The following GRM7 variants were observed in gnomAD, a reference collection of about 807,000 sequenced individuals.
The protein encoded by GRM7 is metabotropic glutamate receptor 7.
In GRM7, 35 loss-of-function variants were observed where a neutral mutation model predicts 84.5. The observed-to-expected ratio is 0.41, with a 90% CI of 0.32 to 0.55. GRM7 has a LOEUF of 0.55. Among genes scored for constraint, GRM7 ranks in the 20% least tolerant of loss-of-function variants. The pLI is 0.19. For missense variants in GRM7, 1,003 were observed against 1,194.6 expected (o/e 0.84, Z 2.36); for synonymous variants, 487 against 455.1 (o/e 1.07, Z -0.89).
intron 8 of GRM7, among the ~76,000 whole-genome samples, chr3:7,597,546 C>G (rs1696108308): frequency 6.6e-6 from 1 of 152,144 alleles, no homozygotes; most frequent in South Asian, 2.1e-4. Context: ...TCTTCCATTA[C>G]CAGACTCAAA....
At chr3:7,674,762 C>A (rs542968284) in intron 8 of GRM7, among the ~76,000 whole-genome samples, 2 of 152,330 alleles carry the variant, frequency 1.3e-5, no homozygotes, top group East Asian at 1.9e-4. Context: ...TGGCGTGTCA[C>A]CCTTGTGTGC....
chr3:6,985,799 G>C (rs1694386427), intron 1 of GRM7, among the ~76,000 whole-genome samples: 1 of 152,172 alleles, frequency 6.6e-6, no homozygotes, highest in Non-Finnish European at 1.5e-5. Flanking sequence ...AAATGAGCTT[G>C]ACTGTAAAGG....
At position 6,861,943 on chromosome 3, in the gene GRM7, T is replaced by A. The variant is rs1318640059; in HGVS notation, c.519+36T>A. On this transcript the variant is annotated intron_variant, in intron 1 of 9. Transcript: ENST00000357716. The surrounding 1 kb of genome is among the most constrained non-coding windows in gnomAD (Gnocchi z 6.4). The stretch of plus-strand genomic sequence containing the variant: ...GCTCCCTCCGGGGCGGAGCACACAG[T>A]GGCTACCTGCGCCCTTAACCCTAAA... 4 of 1,551,026 alleles carry A rather than the reference T, an allele frequency of 2.6e-6. No homozygotes were observed. In the East Asian group the frequency reaches 6.8e-5, roughly 26 times the overall value.
intron 4 of GRM7, among the ~76,000 whole-genome samples, chr3:7,367,342 TA>T (rs1343916924): frequency 4.6e-5 from 7 of 151,896 alleles, no homozygotes; most frequent in Admixed American, 6.6e-5. Context: ...TGGATTTTAA[TA>T]TCATTGAATT....
At chr3:7,229,759 A>ATAT (rs1434216248) in intron 2 of GRM7, among the ~76,000 whole-genome samples, 19 of 30,404 alleles carry the variant, frequency 6.2e-4, no homozygotes, top group African/African-American at 1.0e-3. Flanking sequence ...ATATATATAT[A>ATAT]TTTTTTTTTT....
intron 9 of GRM7, among the ~76,000 whole-genome samples, chr3:7,711,359 C>T (rs567367518): frequency 1.3e-5 from 2 of 151,996 alleles, no homozygotes; most frequent in Non-Finnish European, 2.9e-5. Flanking sequence ...GTTCAAAGGC[C>T]CTGAGGCAGG....
intron 2 of GRM7, among the ~76,000 whole-genome samples, chr3:7,203,351 C>T (rs1367147481): frequency 1.3e-5 from 2 of 152,152 alleles, no homozygotes; most frequent in Non-Finnish European, 2.9e-5. Flanking sequence ...AACATAATGA[C>T]CTACAGTTTC....
At chr3:7,674,677 A>G (rs1700057688) in intron 8 of GRM7, among the ~76,000 whole-genome samples, 1 of 152,198 alleles carries the variant, frequency 6.6e-6, no homozygotes, top group Non-Finnish European at 1.5e-5. Flanking sequence ...TATAGTCACC[A>G]TGTTGTGCAA....
intron 1 of GRM7, among the ~76,000 whole-genome samples, chr3:7,048,508 C>T (rs994191964): frequency 5.9e-5 from 9 of 151,562 alleles, no homozygotes; most frequent in African/African-American, 1.9e-4. Context: ...AAAAAAGATG[C>T]ATTACTGGGG....
At chr3:7,357,760 T>TC (rs1693475046) in intron 4 of GRM7, among the ~76,000 whole-genome samples, 2 of 152,106 alleles carry the variant, frequency 1.3e-5, no homozygotes, top group Non-Finnish European at 2.9e-5. Flanking sequence ...TGTCATAGCT[T>TC]TTGCATTCTC....
At chr3:7,634,031 T>C (rs748173788) in intron 8 of GRM7, among the ~76,000 whole-genome samples, 59 of 151,958 alleles carry the variant, frequency 3.9e-4, no homozygotes, top group Non-Finnish European at 7.8e-4. Flanking sequence ...AGCATTGCAG[T>C]TCTCATTTCA....
intron 4 of GRM7, among the ~76,000 whole-genome samples, chr3:7,337,856 A>G (rs1343782275): frequency 6.6e-6 from 1 of 152,044 alleles, no homozygotes; most frequent in African/African-American, 2.4e-5. Context: ...GAGATTTCTT[A>G]AAGAACTAAG....
At chr3:6,973,969 C>A (rs946717980) in intron 1 of GRM7, among the ~76,000 whole-genome samples, 4 of 152,106 alleles carry the variant, frequency 2.6e-5, no homozygotes, top group Non-Finnish European at 5.9e-5. Flanking sequence ...GAAAACTGAA[C>A]AGAGAGACCA....
At chr3:7,366,026 T>C (rs1693876458) in intron 4 of GRM7, among the ~76,000 whole-genome samples, 1 of 151,720 alleles carries the variant, frequency 6.6e-6, no homozygotes, top group African/African-American at 2.4e-5. Context: ...CCATGTATGG[T>C]CCATTTTTCC....
intron 6 of GRM7, among the ~76,000 whole-genome samples, chr3:7,461,022 A>ATGAT (rs1345591918): frequency 1.3e-5 from 2 of 152,136 alleles, no homozygotes; most frequent in African/African-American, 4.8e-5. Context: ...ATACACTGCT[A>ATGAT]AACCTTTTAC....
At chr3:7,618,509 T>G (rs1163637742) in intron 8 of GRM7, among the ~76,000 whole-genome samples, 1 of 152,114 alleles carries the variant, frequency 6.6e-6, no homozygotes, top group Non-Finnish European at 1.5e-5. Context: ...ACAACTTGGG[T>G]TTTTTTAATT....
intron 1 of GRM7, among the ~76,000 whole-genome samples, chr3:7,025,837 T>C (rs1245604132): frequency 6.6e-6 from 1 of 152,158 alleles, no homozygotes; most frequent in Non-Finnish European, 1.5e-5. Context: ...ATTCAAAAGG[T>C]AAATTCCACT....
At chr3:7,683,623 A>T (rs1192988684) in intron 9 of GRM7, among the ~76,000 whole-genome samples, 1 of 152,232 alleles carries the variant, frequency 6.6e-6, no homozygotes, top group Non-Finnish European at 1.5e-5. Context: ...GTCCAACAGT[A>T]CTTTCTGCAG....
intron 1 of GRM7, among the ~76,000 whole-genome samples, chr3:7,012,407 A>G (rs1340613872): frequency 6.6e-6 from 1 of 152,206 alleles, no homozygotes; most frequent in Non-Finnish European, 1.5e-5. Flanking sequence ...TAAAAGCAGA[A>G]AATAGTATTC....
Sources: allele counts gnomAD v4.1 joint callset (sites outside exome capture counted in the v4.1 genomes callset), GRCh38; gene constraint gnomAD v4.1.1; non-coding constraint Gnocchi (gnomAD v3.1); transcripts MANE v1.5; gene names NCBI Gene and HGNC (gene_info 2026-07-23, HGNC 2026-07-21).